The following DNAH11 variants were observed in gnomAD, a reference collection of about 807,000 sequenced individuals.
DNAH11 encodes the protein axonemal beta dynein heavy chain 11.
A neutral mutation model predicts 526.0 loss-of-function variants in DNAH11; 442 were observed. The ratio of observed to expected loss-of-function variants is 0.84; its 90% CI spans 0.78 to 0.91. The LOEUF (loss-of-function observed/expected upper bound fraction) is 0.91. DNAH11 is among the 40% of genes least tolerant of loss of function. DNAH11 has a pLI of 0.00. For missense variants in DNAH11, 6,989 were observed against 5,448.7 expected, an observed-to-expected ratio of 1.28 and a Z score of -8.90; for synonymous variants, 2,461 against 1,935.9, an observed-to-expected ratio of 1.27 and a Z score of -7.12.
At chr7:21,594,475 C>T (rs1036795992) in intron 14 of DNAH11, among the ~76,000 whole-genome samples, 37 of 152,048 alleles carry the variant, frequency 2.4e-4, no homozygotes, top group Non-Finnish European at 5.0e-4. Context: ...CATAGTAAGT[C>T]GTGCTGTGTT....
Position 21,894,882 on chromosome 7 carries a change from A to AG in DNAH11, c.12937dup. Reference sequence around the variant, plus strand: ...CTGTGTGGCTTTTTTTCTCCATGCAAGGGGGAATTGGCATTATCTCCTGCT... The same window carrying AG: ...CTGTGTGGCTTTTTTTCTCCATGCAAGGGGGGAATTGGCATTATCTCCTGCT... On this transcript the variant is annotated splice_acceptor_variant, in intron 78 of 81. Coordinates refer to ENST00000409508, the MANE Select transcript of DNAH11 (RefSeq NM_001277115.2). LOFTEE classifies it high-confidence loss of function. 1 of 1,613,886 alleles carries AG rather than the reference A, an allele frequency of 6.2e-7. No individual in the cohort carries two copies.
chr7:21,622,569 A>G (rs1194800157), intron 25 of DNAH11, among the ~76,000 whole-genome samples: 1 of 152,218 alleles, frequency 6.6e-6, no homozygotes, highest in Non-Finnish European at 1.5e-5. Flanking sequence ...ACTTCAAACT[A>G]TACTACAAGG....
At chr7:21,603,719 C>T (rs1000526649) in intron 18 of DNAH11, among the ~76,000 whole-genome samples, 1 of 152,074 alleles carries the variant, frequency 6.6e-6, no homozygotes, top group Admixed American at 6.6e-5. Context: ...AGAGATAAAA[C>T]AGTTACAGTA....
intron 56 of DNAH11, among the ~76,000 whole-genome samples, chr7:21,774,484 G>A (rs1787577861): frequency 2.0e-5 from 3 of 152,092 alleles, no homozygotes; most frequent in Admixed American, 6.6e-5. Context: ...CAGTCCTGAG[G>A]CCCCTGCTCC....
intron 28 of DNAH11, among the ~76,000 whole-genome samples, chr7:21,640,883 G>T (rs1787098550): frequency 6.6e-6 from 1 of 152,060 alleles, no homozygotes; most frequent in African/African-American, 2.4e-5. Flanking sequence ...CATGAGGAGG[G>T]GTTTAGGGGT....
chr7:21,744,466 T>C lies in DNAH11; in HGVS notation c.8183T>C (p.Leu2728Ser), dbSNP rs1423186015. ...ATTTTATTTGCTTCTCCTGAGTGTT[T>C]AAAAGGTCCACTTGATTTAATACAT... ...QGILFASPEC[L>S]KGPLDLIHLW... The change falls in exon 50 of 82, where the codon TTA becomes TCA. Residue 2728 changes from leucine (L) to serine (S), a missense_variant. Transcript: ENST00000409508. The C allele has an allele frequency of 6.2e-7, 1 of 1,613,890 alleles. No individual in the cohort carries two copies. Among genetic ancestry groups the C allele is most frequent in the Admixed American group, 1.7e-5 (1 of 60,030 alleles).
chr7:21,618,912 C>T (rs1164929208), intron 23 of DNAH11, among the ~76,000 whole-genome samples, 188 bp from the exon 24 acceptor site: 1 of 152,158 alleles, frequency 6.6e-6, no homozygotes, highest in Non-Finnish European at 1.5e-5. Flanking sequence ...TTGCTTCCGG[C>T]AGGTGACGCC....
chr7:21,730,936 G>A (rs1303533550), intron 45 of DNAH11, among the ~76,000 whole-genome samples: 1 of 152,142 alleles, frequency 6.6e-6, no homozygotes, highest in Non-Finnish European at 1.5e-5. Flanking sequence ...CTGAGGTCAG[G>A]AGTTCGAGAC....
At chr7:21,886,942 G>A (rs1784145274) in intron 76 of DNAH11, among the ~76,000 whole-genome samples, 1 of 152,148 alleles carries the variant, frequency 6.6e-6, no homozygotes. Context: ...GGAAATTAAA[G>A]CACTTAACTG....
intron 20 of DNAH11, 86 bp downstream of exon 20, chr7:21,606,819 G>T: frequency 8.4e-7 from 1 of 1,189,652 alleles, no homozygotes. Flanking sequence ...GCCACATTTT[G>T]TCTTTGTTTT....
chr7:21,688,610 G>A (rs1056771550), intron 34 of DNAH11, among the ~76,000 whole-genome samples: 1 of 152,112 alleles, frequency 6.6e-6, no homozygotes, highest in African/African-American at 2.4e-5. Context: ...GGTCTCCCAG[G>A]CTTCTCATAT....
At chr7:21,605,696 A>G (rs1785252292) in intron 18 of DNAH11, among the ~76,000 whole-genome samples, 1 of 152,202 alleles carries the variant, frequency 6.6e-6, no homozygotes, top group Admixed American at 6.5e-5. Context: ...TTGCCCCAGC[A>G]TTTTCAAAGC....
At chr7:21,672,577 A>G (rs774093922) in intron 30 of DNAH11, among the ~76,000 whole-genome samples, 1 of 152,206 alleles carries the variant, frequency 6.6e-6, no homozygotes. Flanking sequence ...ATGAGCCACC[A>G]AATCTGACCT....
intron 28 of DNAH11, among the ~76,000 whole-genome samples, chr7:21,649,949 G>A (rs1787551571): frequency 6.6e-6 from 1 of 152,104 alleles, no homozygotes; most frequent in Non-Finnish European, 1.5e-5. Flanking sequence ...ACACACGTGA[G>A]CCCCCATGCC....
At chr7:21,616,390 A>G (rs918956989) in intron 22 of DNAH11, 98 bp downstream of exon 22, 2 of 887,342 alleles carry the variant, frequency 2.3e-6, no homozygotes, top group Admixed American at 5.3e-5. Flanking sequence ...GGCTGCATGT[A>G]CTTATTTACT....
chr7:21,654,809 C>T (rs920868113), intron 28 of DNAH11, among the ~76,000 whole-genome samples: 1 of 152,158 alleles, frequency 6.6e-6, no homozygotes, highest in African/African-American at 2.4e-5. Flanking sequence ...TTAATAAAGT[C>T]TGTTCTCTTT....
chr7:21,816,722 A>C lies in DNAH11; in HGVS notation c.10568+20A>C. 2 of 1,605,336 alleles carry C rather than the reference A, an allele frequency of 1.2e-6. No individual in the cohort carries two copies. Among genetic ancestry groups the C allele is most frequent in the African/African-American group, 1.3e-5 (1 of 74,844 alleles). On this transcript the variant is annotated intron_variant, in intron 64 of 81. Transcript: ENST00000409508. The stretch of plus-strand genomic sequence containing the variant: ...GAAAGGGTATGTGAAGTTTGAAGAG[A>C]CTGGCTTTCTGTTTACCTGCTGTGA...
chr7:21,890,641 T>C (rs1421127871), intron 76 of DNAH11, among the ~76,000 whole-genome samples: 1 of 152,230 alleles, frequency 6.6e-6, no homozygotes, highest in Non-Finnish European at 1.5e-5. Flanking sequence ...ATTTTGCCCA[T>C]ATTTTTATTC....
chr7:21,663,916 G>T (rs907611722), intron 30 of DNAH11, among the ~76,000 whole-genome samples: 2 of 151,938 alleles, frequency 1.3e-5, no homozygotes, highest in African/African-American at 4.8e-5. Context: ...TCAACGTACT[G>T]ATTTCAGTTC....
Sources: allele counts gnomAD v4.1 joint callset (sites outside exome capture counted in the v4.1 genomes callset), GRCh38; gene constraint gnomAD v4.1.1; transcripts MANE v1.5; gene names NCBI Gene and HGNC (gene_info 2026-07-23, HGNC 2026-07-21).